PLCH1: variants seen among roughly 807,000 people sequenced by gnomAD.
The protein encoded by PLCH1 is phospholipase C eta 1.
A neutral mutation model predicts 126.7 loss-of-function variants in PLCH1; 60 were observed. The observed-to-expected ratio is 0.47, with a 90% CI of 0.38 to 0.59. PLCH1 has a LOEUF of 0.59. Among genes scored for constraint, PLCH1 ranks in the 20% least tolerant of loss-of-function variants. The pLI, the probability that PLCH1 is intolerant of heterozygous loss-of-function variation, is 0.00. For synonymous variants in PLCH1, 719 were observed against 734.9 expected (o/e 0.98, Z 0.35); for missense variants, 1,723 against 2,040.0 (o/e 0.84, Z 2.99).
chr3:155,677,936 T>C (rs1744217583), intron 2 of PLCH1, among the ~76,000 whole-genome samples: 1 of 152,182 alleles, frequency 6.6e-6, no homozygotes, highest in Non-Finnish European at 1.5e-5. Flanking sequence ...ACAAAATTGG[T>C]AACACCAAGT....
At chr3:155,705,427 T>C (rs1011966580) in intron 1 of PLCH1, among the ~76,000 whole-genome samples, 1 of 152,132 alleles carries the variant, frequency 6.6e-6, no homozygotes, top group Non-Finnish European at 1.5e-5. Context: ...CTGGCTAATC[T>C]GACTGCTTAT....
intron 2 of PLCH1, among the ~76,000 whole-genome samples, chr3:155,628,309 CAT>C (rs1737595627): frequency 7.5e-6 from 1 of 133,832 alleles, no homozygotes; most frequent in Non-Finnish European, 1.5e-5. Context: ...CTTCCTGTAA[CAT>C]AGGATGTAAG....
intron 1 of PLCH1, among the ~76,000 whole-genome samples, chr3:155,712,640 T>A (rs1428162218): frequency 6.6e-6 from 1 of 152,096 alleles, no homozygotes; most frequent in Non-Finnish European, 1.5e-5. Context: ...CTCGGGAGGC[T>A]GAGGCAGGAG....
chr3:155,711,578 GA>G (rs1223175030), intron 1 of PLCH1, among the ~76,000 whole-genome samples: 1 of 152,042 alleles, frequency 6.6e-6, no homozygotes, highest in Admixed American at 6.6e-5. Context: ...CACCACAGTG[GA>G]CATCTGCTGA....
At chr3:155,680,926 A>C (rs1191438601) in intron 2 of PLCH1, among the ~76,000 whole-genome samples, 1 of 152,164 alleles carries the variant, frequency 6.6e-6, no homozygotes, top group African/African-American at 2.4e-5. Flanking sequence ...AGAATGTTTG[A>C]CATACTAAGT....
At chr3:155,525,591 C>T (rs1057234212) in intron 10 of PLCH1, among the ~76,000 whole-genome samples, 1 of 152,308 alleles carries the variant, frequency 6.6e-6, no homozygotes, top group South Asian at 2.1e-4. Flanking sequence ...TTCACCTAAG[C>T]AGGTTACATG....
At chr3:155,644,794 C>A (rs1739825056) in intron 2 of PLCH1, among the ~76,000 whole-genome samples, 1 of 152,048 alleles carries the variant, frequency 6.6e-6, no homozygotes, top group East Asian at 1.9e-4. Flanking sequence ...ATATTAACAT[C>A]CTGATATTCT....
At chr3:155,599,602 A>T (rs891223841) in intron 2 of PLCH1, among the ~76,000 whole-genome samples, 1 of 152,236 alleles carries the variant, frequency 6.6e-6, no homozygotes, top group Admixed American at 6.5e-5. Flanking sequence ...ATTTAGGAAG[A>T]TGTTTCCTTG....
At chr3:155,551,932 A>G (rs1251497019) in intron 9 of PLCH1, among the ~76,000 whole-genome samples, 1 of 152,178 alleles carries the variant, frequency 6.6e-6, no homozygotes, top group Non-Finnish European at 1.5e-5. Flanking sequence ...AGGCCTTCTC[A>G]ACACCCTACT....
chr3:155,678,368 T>C (rs1478481182), intron 2 of PLCH1, among the ~76,000 whole-genome samples: 1 of 152,116 alleles, frequency 6.6e-6, no homozygotes, highest in African/African-American at 2.4e-5. Flanking sequence ...CATAGCAGCT[T>C]CATAGGGCAG....
chr3:155,608,831 A>G (rs1224094180), intron 2 of PLCH1, among the ~76,000 whole-genome samples: 1 of 152,104 alleles, frequency 6.6e-6, no homozygotes, highest in African/African-American at 2.4e-5. Flanking sequence ...ATCGCCTGAG[A>G]AACCAGAATA....
chr3:155,472,696 C>T (rs1462027662), intron 21 of PLCH1, among the ~76,000 whole-genome samples: 4 of 144,966 alleles, frequency 2.8e-5, no homozygotes, highest in Non-Finnish European at 6.1e-5. Flanking sequence ...ACTGGCAAAA[C>T]GAATCCAGCA....
intron 21 of PLCH1, among the ~76,000 whole-genome samples, chr3:155,474,863 TG>T: frequency 1.7e-5 from 2 of 115,800 alleles, no homozygotes. Context: ...CACTCATAGG[TG>T]GGAGTTGAAC....
At chr3:155,687,746 C>T (rs897647957) in intron 2 of PLCH1, among the ~76,000 whole-genome samples, 1 of 152,058 alleles carries the variant, frequency 6.6e-6, no homozygotes, top group Non-Finnish European at 1.5e-5. Flanking sequence ...AAAAAATAAC[C>T]ATCCTCCTGT....
intron 1 of PLCH1, among the ~76,000 whole-genome samples, chr3:155,724,584 T>C (rs1434007647): frequency 1.3e-5 from 2 of 152,210 alleles, no homozygotes; most frequent in Non-Finnish European, 2.9e-5. Context: ...TGGTGTCCAT[T>C]TGCATAGAAT....
At chr3:155,484,830 G>T (rs1259429500) in intron 22 of PLCH1, among the ~76,000 whole-genome samples, 2 of 152,150 alleles carry the variant, frequency 1.3e-5, no homozygotes, top group Non-Finnish European at 2.9e-5. Context: ...ATCTCTGTCA[G>T]CATCCAAGGA....
In PLCH1 at chr3:155,485,699, G is replaced by C. The variant is rs143064400; in HGVS notation, c.2631C>G (p.Leu877=). 1.9e-6 allele frequency: 3 copies of C among 1,595,570 alleles called. No individual in the cohort carries two copies. The African/African-American group carries it at 4.0e-5, about 21-fold the overall frequency. Residue 877 remains leucine (L), a synonymous_variant, in exon 22 of 23, where the codon CTC becomes CTG. Transcript: ENST00000460012. The stretch of plus-strand genomic sequence containing the variant: ...TATTGAACAGTCCCTTCAGACCCTG[G>C]AGTTGTCTGTTCTGAAGACACAAAA... ...INEIYGKNRQ[L]QGLKGLFNKN... is the part of the protein sequence containing the mutation.
At chr3:155,717,051 C>T (rs1384745729) in intron 1 of PLCH1, among the ~76,000 whole-genome samples, 2 of 152,248 alleles carry the variant, frequency 1.3e-5, no homozygotes, top group African/African-American at 4.8e-5. Context: ...AAAGGGGCCA[C>T]AGGCCCCATG....
At chr3:155,485,301 G>A (rs571673455) in intron 22 of PLCH1, 55 bp downstream of exon 22, 2 of 1,080,194 alleles carry the variant, frequency 1.9e-6, no homozygotes, top group South Asian at 1.5e-5. Context: ...TGGTAAACAG[G>A]GACTGACATG....
Sources: gnomAD v4.1 joint callset for allele counts (sites outside exome capture counted in the v4.1 genomes callset) on GRCh38, gnomAD v4.1.1 for gene constraint, MANE v1.5 for transcripts, NCBI Gene and HGNC (gene_info 2026-07-23, HGNC 2026-07-21) for gene names.